NLRP4: variants seen among roughly 807,000 people sequenced by gnomAD.
NLRP4 encodes the protein NACHT, LRR and PYD domains-containing protein 4.
A neutral mutation model predicts 84.7 loss-of-function variants in NLRP4; 44 were observed. The observed-to-expected ratio is 0.52, with a 90% confidence interval of 0.41 to 0.67. The LOEUF is 0.67. NLRP4 is among the 30% of genes least tolerant of loss of function. NLRP4 has a pLI of 0.00. For missense variants in NLRP4, 1,260 were observed against 1,219.4 expected (o/e 1.03, Z -0.50); for synonymous variants, 544 against 476.4 (o/e 1.14, Z -1.85).
In NLRP4 at chr19:55,858,693, G is replaced by C. The variant is rs1984575949; in HGVS notation, c.1300G>C (p.Gly434Arg). ...TGACGCTGACATCCCTGCGCTGCTG[G>C]GCACCAAGATACTTCTGAAGTACGG... ...VVDADIPALL[G>R]TKILLKYGER... The change falls in exon 3 of 10, where the codon GGC becomes CGC. Residue 434 changes from glycine to arginine, a missense_variant. By Grantham distance (125) the Gly-to-Arg change is moderately radical (BLOSUM62 -2). This residue lies in a region of NLRP4 where 712 missense variants were observed against 669.2 expected (regional missense o/e 1.06). Transcript: ENST00000301295. The surrounding 1 kb of genome is among the most constrained non-coding windows in gnomAD (Gnocchi z 4.2). 6.2e-7 allele frequency: 1 copy of C among 1,614,090 alleles called. No homozygotes were observed. Among genetic ancestry groups the C allele is most frequent in the Non-Finnish European group, 8.5e-7 (1 of 1,180,010 alleles).
At position 55,847,524 on chromosome 19, in the gene NLRP4, A is replaced by G. The variant is rs571076016; in HGVS notation, c.-65-4492A>G. 7.9e-5 allele frequency among the ~76,000 whole-genome samples: 12 copies of G among 152,250 alleles called. 1 individual carries two copies. Among genetic ancestry groups the G allele is most frequent in the African/African-American group, 2.9e-4 (12 of 41,568 alleles). Reference sequence around the variant, plus strand: ...GCCCTATGTTTTTAGTATCTTTTAAAATTTTAGACTTGTTTTAGACACAGA... The same window carrying G: ...GCCCTATGTTTTTAGTATCTTTTAAGATTTTAGACTTGTTTTAGACACAGA... On this transcript the variant is annotated intron_variant, in intron 1 of 9. Transcript: ENST00000301295.
In NLRP4 at chr19:55,852,436, G is replaced by A. The variant is rs1984202199; in HGVS notation, c.280+76G>A. The A allele has an allele frequency of 6.2e-5, 52 of 834,486 alleles. No individual in the cohort carries two copies. In the South Asian group the frequency reaches 8.6e-4, roughly 14 times the overall value. 51.7% of individuals were successfully genotyped at this position (834,486 alleles called of 1,614,324 possible). A position where few individuals can be genotyped will look rare whatever the true frequency, so the allele number is the denominator to read the frequency against. On this transcript the variant is annotated intron_variant, in intron 2 of 9. Coordinates refer to ENST00000301295, the MANE Select transcript of NLRP4 (RefSeq NM_134444.5). ...TAATTTTGGTGAGTGGTCTCTGCCT[G>A]TCTACAACAGGACCTGAATGTGCTA...
rs1217403988 is a variant in NLRP4 at position 55,852,001 on chromosome 19, C to G, written c.-65-15C>G. 1 of 1,077,712 alleles carries G rather than the reference C, an allele frequency of 9.3e-7. No individual in the cohort carries two copies. The highest frequency in any genetic ancestry group is 2.3e-5 in the Admixed American group (1 of 44,044). The allele number at this position is 1,077,712 out of a possible 1,614,324, so 66.8% of individuals were successfully genotyped here. ...TTATTTGTAATAACTTGGCACTGTC[C>G]TGAATTTTCTACAGGTTTTATTTAT... On this transcript the variant is annotated splice_polypyrimidine_tract_variant and intron_variant, in intron 1 of 9. Transcript: ENST00000301295.
chr19:55,861,265 A>G lies in NLRP4; in HGVS notation c.1857-121A>G, dbSNP rs950305684. On this transcript the variant is annotated intron_variant, in intron 3 of 9. Transcript: ENST00000301295. ...TACCTGAAGGGTCCCGTTCCTTCTGACTGAGGGAGGCTCTGCCTCAGACAT... is the reference window on the plus strand; with the variant it reads ...TACCTGAAGGGTCCCGTTCCTTCTGGCTGAGGGAGGCTCTGCCTCAGACAT... The G allele has an allele frequency of 3.8e-6, 3 of 793,164 alleles. No homozygotes were observed. The African/African-American group carries it at 5.2e-5, about 14-fold the overall frequency. 49.1% of individuals were successfully genotyped at this position (793,164 alleles called of 1,614,324 possible).
chr19:55,863,284 A>G (rs993484329), intron 5 of NLRP4, among the ~76,000 whole-genome samples: 4 of 152,204 alleles, frequency 2.6e-5, no homozygotes, highest in Non-Finnish European at 5.9e-5. Flanking sequence ...CGGGCAGTGT[A>G]TTCACACGTT....
At chr19:55,850,244 AATTTCCGAGGCTGCGGTGTAATTTC>A (rs1984025469) in intron 1 of NLRP4, among the ~76,000 whole-genome samples, 1 of 112,106 alleles carries the variant, frequency 8.9e-6, no homozygotes, top group Admixed American at 8.0e-5. Flanking sequence ...GCTGCGGTGT[AATTTCCGAGGCTGCGGTGTAATTTC>A]CGAGGCTGCG....
intron 7 of NLRP4, among the ~76,000 whole-genome samples, chr19:55,875,834 G>C (rs1985346434): frequency 6.6e-6 from 1 of 151,038 alleles, no homozygotes; most frequent in African/African-American, 2.4e-5. Context: ...TTCAAGACCA[G>C]CTTGACCAAC....
At chr19:55,851,915 C>T (rs550897437) in intron 1 of NLRP4, 101 bp from the exon 2 acceptor site, 14 of 576,464 alleles carry the variant, frequency 2.4e-5, no homozygotes, top group East Asian at 1.6e-4. Context: ...AATAACTTTC[C>T]GCCTTCATTG....
At chr19:55,875,668 T>C (rs190356576) in intron 7 of NLRP4, among the ~76,000 whole-genome samples, 2 of 152,268 alleles carry the variant, frequency 1.3e-5, no homozygotes, top group Admixed American at 1.3e-4. Context: ...GAGTTGAACT[T>C]GAAAAGTAAA....
Position 55,858,219 on chromosome 19 carries a change from C to T in NLRP4, c.826C>T (p.Leu276Phe). The stretch of plus-strand genomic sequence containing the variant: ...GAAGATGCTCCCGGAGGCCTCCCTG[C>T]TCATCGCTATCAAACCCGTGTGCCC... ...RKKMLPEASL[L>F]IAIKPVCPKE... The change falls in exon 3 of 10, where the codon CTC becomes TTC. Residue 276 changes from leucine to phenylalanine, a missense_variant. Physicochemically the swap from Leu to Phe is conservative, Grantham distance 22 (BLOSUM62 0). Transcript: ENST00000301295. This position sits in a 1 kb window ranked among gnomAD's most constrained non-coding sequence, Gnocchi z 4.2. 1 of 1,614,154 alleles carries T rather than the reference C, an allele frequency of 6.2e-7. No homozygotes were observed. Among genetic ancestry groups the T allele is most frequent in the Non-Finnish European group, 8.5e-7 (1 of 1,180,008 alleles).
At chr19:55,842,172 C>A (rs557175306) in intron 1 of NLRP4, among the ~76,000 whole-genome samples, 137 of 152,270 alleles carry the variant, frequency 9.0e-4, no homozygotes, top group African/African-American at 3.2e-3. Flanking sequence ...TTTAGTCTTT[C>A]AACTTTCGTT....
chr19:55,847,804 T>C (rs1983855974), intron 1 of NLRP4, among the ~76,000 whole-genome samples: 1 of 150,342 alleles, frequency 6.7e-6, no homozygotes, highest in Non-Finnish European at 1.5e-5. Flanking sequence ...AACCTCTGCC[T>C]CCCGGGTTCA....
chr19:55,847,716 CTTTT>C (rs550137661), intron 1 of NLRP4, among the ~76,000 whole-genome samples: 3 of 135,098 alleles, frequency 2.2e-5, no homozygotes, highest in Non-Finnish European at 3.2e-5. Flanking sequence ...ACCTAATATC[CTTTT>C]TTTTTTTTTT....
intron 5 of NLRP4, among the ~76,000 whole-genome samples, chr19:55,865,050 G>A (rs370605725): frequency 5.9e-5 from 9 of 152,218 alleles, no homozygotes; most frequent in South Asian, 2.1e-4. Flanking sequence ...TAAATGGCAC[G>A]TCATGGAAGT....
chr19:55,843,117 A>G (rs1983674837), intron 1 of NLRP4, among the ~76,000 whole-genome samples: 1 of 152,056 alleles, frequency 6.6e-6, no homozygotes, highest in Admixed American at 6.6e-5. Flanking sequence ...ATTTGTTTTG[A>G]GCACCTTGCA....
rs1435861497 is a variant in NLRP4 at position 55,852,309 on chromosome 19, C to A, written c.229C>A (p.Gln77Lys). The A allele has an allele frequency of 6.2e-7, 1 of 1,606,224 alleles. No individual in the cohort carries two copies. The highest frequency in any genetic ancestry group is 8.5e-7 in the Non-Finnish European group (1 of 1,177,380). ...TTGGAACATAACCTTAAGAATCTTT[C>A]AAAAGATGGATAGAAAGGATCTCTG... ...QAWNITLRIF[Q>K]KMDRKDLCMK... Residue 77 changes from glutamine to lysine, a missense_variant, in exon 2 of 10, where the codon CAA (glutamine) becomes AAA (lysine). By Grantham distance (53) the Gln-to-Lys change is moderately conservative. Around this residue, in one of 3 missense-constraint regions of NLRP4, gnomAD observed 712 missense variants for 669.2 expected, o/e 1.06. Transcript: ENST00000301295.
chr19:55,867,758 C>T lies in NLRP4; in HGVS notation c.2236C>T (p.Leu746Phe), dbSNP rs1007853392. The T allele has an allele frequency of 3.1e-6, 5 of 1,613,960 alleles. No individual in the cohort carries two copies. The highest frequency in any genetic ancestry group is 4.2e-6 in the Non-Finnish European group (5 of 1,179,918). The change falls in exon 6 of 10, where the codon CTT (leucine) becomes TTT (phenylalanine). Residue 746 changes from leucine (L) to phenylalanine (F), a missense_variant. Coordinates refer to ENST00000301295, the MANE Select transcript of NLRP4 (RefSeq NM_134444.5). ...SPIDCEVLAG[L>F]LTNNKKLTYL... ...CATTGATTGTGAAGTCCTTGCTGGC[C>T]TTCTAACCAACAACAAGAAGCTGAC... is the stretch of plus-strand genomic sequence containing the variant.
chr19:55,857,324 A>AGTGTGT (rs1568663632), intron 2 of NLRP4: 10 of 221,156 alleles, frequency 4.5e-5, no homozygotes, highest in African/African-American at 1.9e-4. Flanking sequence ...AGTAGCAATG[A>AGTGTGT]ATGTGTGTGT....
At chr19:55,856,299 C>T (rs1805105926) in intron 2 of NLRP4, among the ~76,000 whole-genome samples, 1 of 151,912 alleles carries the variant, frequency 6.6e-6, no homozygotes, top group Non-Finnish European at 1.5e-5. Flanking sequence ...CAGCCAACTA[C>T]AGCAACTGGA....
Sources: gnomAD v4.1 joint callset for allele counts (sites outside exome capture counted in the v4.1 genomes callset) on GRCh38, gnomAD v4.1.1 for gene constraint, gnomAD v4.1.1 regional missense constraint, Gnocchi (gnomAD v3.1) non-coding constraint, MANE v1.5 for transcripts, NCBI Gene and HGNC (gene_info 2026-07-23, HGNC 2026-07-21) for gene names.